Variants in MAPKAP1 observed in about 807,000 individuals in gnomAD.
MAPKAP1 encodes the protein MAPK associated protein 1, also known as target of rapamycin complex 2 subunit MAPKAP1.
In MAPKAP1, 20 loss-of-function variants were observed where a neutral mutation model predicts 65.7. That is an observed-to-expected ratio of 0.30 (90% CI 0.21 to 0.44). MAPKAP1 has a LOEUF of 0.44. Ranked by LOEUF, MAPKAP1 falls within the 20% of genes least tolerant of loss-of-function variation. The pLI is 1.00. For synonymous variants in MAPKAP1, 222 were observed against 244.3 expected, an observed-to-expected ratio of 0.91 and a Z score of 0.85; for missense variants, 423 against 648.0, an observed-to-expected ratio of 0.65 and a Z score of 3.77.
At chr9:125,615,774 G>T (rs1340411294) in intron 4 of MAPKAP1, among the ~76,000 whole-genome samples, 2 of 151,992 alleles carry the variant, frequency 1.3e-5, no homozygotes, top group Non-Finnish European at 2.9e-5. Flanking sequence ...TTAGCCAGGT[G>T]TAGTGGTGCA....
Position 125,595,695 on chromosome 9 carries a change from C to G in MAPKAP1, c.499-9968G>C. ...CCTAAGTCAGAGTCTCCTAAAGAGC[C>G]GGAACAGCTAAGGAATCTCTTCATT... On this transcript the variant is annotated intron_variant, in intron 4 of 11. Coordinates refer to ENST00000265960, the MANE Select transcript of MAPKAP1 (RefSeq NM_001006617.3). The surrounding 1 kb of genome is among the most constrained non-coding windows in gnomAD (Gnocchi z 4.0). 3.9e-6 allele frequency: 6 copies of G among 1,553,550 alleles called. 1 individual carries two copies. The South Asian group carries it at 7.0e-5, about 18-fold the overall frequency.
At chr9:125,496,922 G>C (rs1854970937) in intron 8 of MAPKAP1, among the ~76,000 whole-genome samples, 1 of 152,140 alleles carries the variant, frequency 6.6e-6, no homozygotes, top group Non-Finnish European at 1.5e-5. Flanking sequence ...ACAGACACCA[G>C]GATGCAGAGG....
At chr9:125,680,934 C>T (rs895799395) in intron 1 of MAPKAP1, among the ~76,000 whole-genome samples, 3 of 152,192 alleles carry the variant, frequency 2.0e-5, no homozygotes, top group Non-Finnish European at 2.9e-5. Flanking sequence ...TTTCATTAGG[C>T]AGAAACACAA....
chr9:125,447,766 G>A lies in MAPKAP1; in HGVS notation c.1346-3168C>T, dbSNP rs1260842496. Among the ~76,000 whole-genome samples the A allele has an allele frequency of 6.6e-6, 1 of 152,220 alleles. No homozygotes were observed. Among genetic ancestry groups the A allele is most frequent in the African/African-American group, 2.4e-5 (1 of 41,456 alleles). ...ACCAAGGCAGAAGCACCTGGCCAGA[G>A]GTGGAGAAGAGCCACTAGGGACAGT... On this transcript the variant is annotated intron_variant, in intron 10 of 11. Coordinates refer to ENST00000265960, the MANE Select transcript of MAPKAP1 (RefSeq NM_001006617.3). This position sits in a 1 kb window ranked among gnomAD's most constrained non-coding sequence, Gnocchi z 4.5.
At chr9:125,449,732 A>T (rs1021670831) in intron 10 of MAPKAP1, among the ~76,000 whole-genome samples, 2 of 152,176 alleles carry the variant, frequency 1.3e-5, no homozygotes, top group African/African-American at 4.8e-5. Context: ...TAACTAAAAC[A>T]GGAGGCTGTG....
chr9:125,535,862 C>T, intron 7 of MAPKAP1, among the ~76,000 whole-genome samples: 1 of 152,154 alleles, frequency 6.6e-6, no homozygotes, highest in East Asian at 1.9e-4. Flanking sequence ...GTGTGTCTCC[C>T]ATACCACCAC....
intron 10 of MAPKAP1, among the ~76,000 whole-genome samples, chr9:125,455,988 T>A (rs1853148387): frequency 6.6e-6 from 1 of 152,264 alleles, no homozygotes; most frequent in African/African-American, 2.4e-5. Flanking sequence ...TATTTCACCT[T>A]CCTTTCTGAA....
At chr9:125,687,642 AG>A (rs1211807163) in intron 1 of MAPKAP1, among the ~76,000 whole-genome samples, 7 of 151,522 alleles carry the variant, frequency 4.6e-5, no homozygotes, top group Non-Finnish European at 2.9e-5. Context: ...AAAATTAACC[AG>A]GCATGGGGGC....
intron 1 of MAPKAP1, among the ~76,000 whole-genome samples, chr9:125,699,566 G>A (rs1040890162): frequency 1.1e-4 from 17 of 151,980 alleles, no homozygotes; most frequent in African/African-American, 4.1e-4. Flanking sequence ...ATGAGGTCAG[G>A]CATAGAATTT....
intron 3 of MAPKAP1, among the ~76,000 whole-genome samples, chr9:125,662,729 T>A (rs1834224641): frequency 6.6e-6 from 1 of 151,940 alleles, no homozygotes; most frequent in Non-Finnish European, 1.5e-5. Flanking sequence ...AAAGAAATTA[T>A]TTTAAATGTT....
chr9:125,477,441 G>C (rs1271440766), intron 9 of MAPKAP1, among the ~76,000 whole-genome samples: 1 of 152,210 alleles, frequency 6.6e-6, no homozygotes, highest in African/African-American at 2.4e-5. Flanking sequence ...TCAATACTGT[G>C]AGTTTGTGTC....
At chr9:125,457,605 G>C (rs1479635280) in intron 10 of MAPKAP1, among the ~76,000 whole-genome samples, 1 of 152,246 alleles carries the variant, frequency 6.6e-6, no homozygotes, top group East Asian at 1.9e-4. Context: ...CCTTTACAGA[G>C]TATTGGGCTT....
intron 9 of MAPKAP1, among the ~76,000 whole-genome samples, chr9:125,470,670 C>T (rs535356575): frequency 2.6e-5 from 4 of 152,296 alleles, no homozygotes; most frequent in African/African-American, 4.8e-5. Flanking sequence ...ACGCCCTTTC[C>T]TGGGGTTATT....
chr9:125,702,777 G>A (rs755613278), intron 1 of MAPKAP1, among the ~76,000 whole-genome samples: 35 of 150,698 alleles, frequency 2.3e-4, no homozygotes, highest in Non-Finnish European at 4.6e-4. Flanking sequence ...GCTTGAACCC[G>A]GGAGGCGGAC....
At chr9:125,582,210 T>C (rs1345043063) in intron 5 of MAPKAP1, among the ~76,000 whole-genome samples, 1 of 152,242 alleles carries the variant, frequency 6.6e-6, no homozygotes. Context: ...TTGGTTCTTT[T>C]CTAAATTCAA....
At chr9:125,548,384 T>A (rs2133186184) in intron 6 of MAPKAP1, among the ~76,000 whole-genome samples, 1 of 152,274 alleles carries the variant, frequency 6.6e-6, no homozygotes, top group Non-Finnish European at 1.5e-5. Context: ...CCGGGAAGCT[T>A]CCTAGTGGGG....
intron 4 of MAPKAP1, among the ~76,000 whole-genome samples, chr9:125,586,714 C>T (rs1439834284): frequency 2.0e-5 from 3 of 152,190 alleles, no homozygotes; most frequent in Non-Finnish European, 4.4e-5. Flanking sequence ...CCCTCCCTCA[C>T]AGAAGGCTTG....
chr9:125,680,317 T>TTTTTTTTTTTTTTTTTTTTTTTTG, intron 1 of MAPKAP1, among the ~76,000 whole-genome samples: 1 of 152,200 alleles, frequency 6.6e-6, no homozygotes, highest in African/African-American at 2.4e-5. Context: ...TTTTATTTTT[T>TTTTTTTTTTTTTTTTTTTTTTTTG]AACTAAGATT....
At chr9:125,693,570 T>TAC (rs766707950) in intron 1 of MAPKAP1, among the ~76,000 whole-genome samples, 4 of 147,270 alleles carry the variant, frequency 2.7e-5, no homozygotes, top group Non-Finnish European at 4.5e-5. Context: ...CATATATACA[T>TAC]ACACACACAT....
Sources: allele counts gnomAD v4.1 joint callset (sites outside exome capture counted in the v4.1 genomes callset), GRCh38; gene constraint gnomAD v4.1.1; non-coding constraint Gnocchi (gnomAD v3.1); transcripts MANE v1.5; gene names NCBI Gene and HGNC (gene_info 2026-07-23, HGNC 2026-07-21).